The following XKR4 variants were observed in gnomAD, a reference collection of about 807,000 sequenced individuals.
XKR4 encodes XK related 4.
In XKR4, 12 loss-of-function variants were observed where a neutral mutation model predicts 53.9. That is an observed-to-expected ratio of 0.22 (90% CI 0.14 to 0.36). XKR4 has a LOEUF of 0.36. Ranked by LOEUF, XKR4 falls within the 10% of genes least tolerant of loss-of-function variation. XKR4 has a pLI of 1.00. For missense variants in XKR4, 799 were observed against 859.5 expected, an observed-to-expected ratio of 0.93 and a Z score of 0.88; for synonymous variants, 354 against 362.4, an observed-to-expected ratio of 0.98 and a Z score of 0.26.
chr8:55,353,926 G>A (rs113365333), intron 1 of XKR4, among the ~76,000 whole-genome samples: 138 of 152,250 alleles, frequency 9.1e-4, no homozygotes, highest in African/African-American at 3.1e-3. Context: ...AAGGTTCAAG[G>A]GAATGATTAA....
chr8:55,196,560 A>G (rs1428579620), intron 1 of XKR4, among the ~76,000 whole-genome samples: 1 of 152,258 alleles, frequency 6.6e-6, no homozygotes, highest in Non-Finnish European at 1.5e-5. Context: ...TTGCATTATT[A>G]TCTAACAAAC....
chr8:55,220,600 GGACTCCATA>G (rs1817868599), intron 1 of XKR4, among the ~76,000 whole-genome samples: 2 of 152,146 alleles, frequency 1.3e-5, no homozygotes, highest in African/African-American at 4.8e-5. Context: ...TGACTGAAAT[GGACTCCATA>G]GACTCTCAAA....
At position 55,251,341 on chromosome 8, in the gene XKR4, C is replaced by T. The variant is rs535408833; in HGVS notation, c.807-106337C>T. 3.0e-4 allele frequency among the ~76,000 whole-genome samples: 45 copies of T among 152,290 alleles called. No homozygotes were observed. The South Asian group carries it at 6.8e-3, about 23-fold the overall frequency. On this transcript the variant is annotated intron_variant, in intron 1 of 2. Transcript: ENST00000327381. ...CACATTCATTTAAGGTCAAGATTAACGGAGTCAGAGACAGCTTTCAGCTGC... is the reference window on the plus strand; with the variant it reads ...CACATTCATTTAAGGTCAAGATTAATGGAGTCAGAGACAGCTTTCAGCTGC...
intron 1 of XKR4, among the ~76,000 whole-genome samples, chr8:55,351,934 T>G (rs1563330578): frequency 6.6e-6 from 1 of 152,228 alleles, no homozygotes; most frequent in Non-Finnish European, 1.5e-5. Flanking sequence ...ATATTGCATG[T>G]GTTCAATACA....
At chr8:55,170,181 A>C (rs1174019527) in intron 1 of XKR4, among the ~76,000 whole-genome samples, 3 of 152,208 alleles carry the variant, frequency 2.0e-5, no homozygotes, top group African/African-American at 7.2e-5. Flanking sequence ...TGTGATGGGC[A>C]GAATAACGGG....
chr8:55,361,691 G>A (rs1803911711), intron 2 of XKR4, among the ~76,000 whole-genome samples: 1 of 151,856 alleles, frequency 6.6e-6, no homozygotes, highest in Non-Finnish European at 1.5e-5. Context: ...AATTAAACAA[G>A]ATTCCTGAGC....
intron 1 of XKR4, among the ~76,000 whole-genome samples, chr8:55,343,118 A>G (rs1321414478): frequency 2.0e-5 from 3 of 152,186 alleles, no homozygotes; most frequent in African/African-American, 4.8e-5. Flanking sequence ...AGGGCTCTGC[A>G]TGCTGCTAGA....
At chr8:55,143,255 A>G (rs1040946935) in intron 1 of XKR4, among the ~76,000 whole-genome samples, 2 of 152,214 alleles carry the variant, frequency 1.3e-5, no homozygotes, top group African/African-American at 4.8e-5. Context: ...ACACATGCAC[A>G]CATTTCTCTG....
intron 1 of XKR4, among the ~76,000 whole-genome samples, chr8:55,217,905 A>G (rs932352216): frequency 6.6e-6 from 1 of 152,246 alleles, no homozygotes. Context: ...AAAGGTAAAC[A>G]TATAAGAAGA....
intron 1 of XKR4, among the ~76,000 whole-genome samples, chr8:55,312,915 T>C (rs557930297): frequency 8.5e-5 from 13 of 152,332 alleles, no homozygotes; most frequent in Admixed American, 4.6e-4. Flanking sequence ...ATGTGGACTC[T>C]GTCTCCTCCC....
Position 55,481,419 on chromosome 8 carries a change from G to C in XKR4, c.1007-41862G>C, listed in dbSNP as rs1040091480. 4.1e-3 allele frequency among the ~76,000 whole-genome samples: 621 copies of C among 151,652 alleles called. 2 individuals are homozygous for C. Among genetic ancestry groups the C allele is most frequent in the Non-Finnish European group, 6.9e-3 (465 of 67,716 alleles). On this transcript the variant is annotated intron_variant, in intron 2 of 2. Coordinates refer to ENST00000327381, the MANE Select transcript of XKR4 (RefSeq NM_052898.2). Reference sequence around the variant, plus strand: ...TTCAAGATGGATTAAAGACTTACATGTTAGACCTAAAACCATAAAAACCCT... The same window carrying C: ...TTCAAGATGGATTAAAGACTTACATCTTAGACCTAAAACCATAAAAACCCT...
intron 1 of XKR4, among the ~76,000 whole-genome samples, chr8:55,107,189 C>T (rs1026801569): frequency 6.6e-6 from 1 of 151,806 alleles, no homozygotes; most frequent in African/African-American, 2.4e-5. Flanking sequence ...TTTAAAATAA[C>T]CTAAAAGAAA....
At chr8:55,448,693 C>T (rs998663048) in intron 2 of XKR4, among the ~76,000 whole-genome samples, 2 of 152,152 alleles carry the variant, frequency 1.3e-5, no homozygotes, top group South Asian at 2.1e-4. Flanking sequence ...AAAGATCTCC[C>T]ACATGCCCTG....
In XKR4 at chr8:55,109,375, G is replaced by A. The variant is rs534788854; in HGVS notation, c.806+6081G>A. Among the ~76,000 whole-genome samples, 3 of 152,258 alleles carry A rather than the reference G, an allele frequency of 2.0e-5. No individual in the cohort carries two copies. The South Asian group carries it at 6.2e-4, about 32-fold the overall frequency. The stretch of plus-strand genomic sequence containing the variant: ...TTTTTGTGGATGAAAGAAGTAGAAT[G>A]AATTTTCGTGCAACACTATAATTGT... On this transcript the variant is annotated intron_variant, in intron 1 of 2. Coordinates refer to ENST00000327381, the MANE Select transcript of XKR4 (RefSeq NM_052898.2).
intron 2 of XKR4, among the ~76,000 whole-genome samples, chr8:55,468,391 A>G (rs182754507): frequency 9.9e-5 from 15 of 152,252 alleles, no homozygotes; most frequent in Admixed American, 9.8e-4. Flanking sequence ...AACTTTTTCT[A>G]GAGTATTTAG....
At chr8:55,229,814 C>T (rs1387319000) in intron 1 of XKR4, among the ~76,000 whole-genome samples, 3 of 151,974 alleles carry the variant, frequency 2.0e-5, no homozygotes, top group Non-Finnish European at 4.4e-5. Flanking sequence ...GACATTCTCA[C>T]TTATGCATCT....
At position 55,462,609 on chromosome 8, in the gene XKR4, A is replaced by C. The variant is rs369295134; in HGVS notation, c.1007-60672A>C. ...AGCTAACATCATAATGACGGGATCA[A>C]ATTCACACATAACAATACTAACCTT... is the stretch of plus-strand genomic sequence containing the variant. On this transcript the variant is annotated intron_variant, in intron 2 of 2. Transcript: ENST00000327381. 1.9e-4 allele frequency among the ~76,000 whole-genome samples: 29 copies of C among 152,330 alleles called. No homozygotes were observed. In the East Asian group the frequency reaches 3.1e-3, roughly 16 times the overall value.
intron 1 of XKR4, among the ~76,000 whole-genome samples, chr8:55,176,937 C>T (rs1024007693): frequency 6.6e-6 from 1 of 151,952 alleles, no homozygotes; most frequent in African/African-American, 2.4e-5. Flanking sequence ...TGTGCGCAGC[C>T]AAATCACAAA....
At chr8:55,253,174 A>G (rs13269400) in intron 1 of XKR4, among the ~76,000 whole-genome samples, 116,042 of 152,048 alleles carry the variant, frequency 0.76, 47,497 homozygotes, top group Non-Finnish European at 0.92. Context: ...TGAAAATTTT[A>G]CTTACTATGC....
Sources: gnomAD v4.1 joint callset for allele counts (sites outside exome capture counted in the v4.1 genomes callset) on GRCh38, gnomAD v4.1.1 for gene constraint, MANE v1.5 for transcripts, NCBI Gene and HGNC (gene_info 2026-07-23, HGNC 2026-07-21) for gene names.